DUSP10: variants seen among roughly 807,000 people sequenced by gnomAD.
DUSP10 encodes dual specificity protein phosphatase 10.
In DUSP10, 14 loss-of-function variants were observed where a neutral mutation model predicts 30.8. That is an observed-to-expected ratio of 0.46 (90% CI 0.30 to 0.71). The LOEUF is 0.71. Ranked by LOEUF, DUSP10 falls within the 30% of genes least tolerant of loss-of-function variation. The pLI, the probability that DUSP10 is intolerant of heterozygous loss-of-function variation, is 0.08. For synonymous variants in DUSP10, 254 were observed against 250.4 expected (o/e 1.01, Z -0.14); for missense variants, 550 against 619.4 (o/e 0.89, Z 1.19).
At position 221,702,556 on chromosome 1, in the gene DUSP10, A is replaced by G. The variant is rs1660638049; in HGVS notation, c.1305T>C (p.Tyr435=). Reference sequence around the variant, plus strand: ...TTGGTCGTTTGCCTTTGACAAATTTATAAGCATCAGTCATGGTCATCCGAG... The same window carrying G: ...TTGGTCGTTTGCCTTTGACAAATTTGTAAGCATCAGTCATGGTCATCCGAG... ...KHTRMTMTDA[Y]KFVKGKRPII... The change falls in exon 4 of 4, where the codon TAT becomes TAC. Residue 435 remains tyrosine, a synonymous_variant. Coordinates refer to ENST00000366899, the MANE Select transcript of DUSP10 (RefSeq NM_007207.6). The surrounding 1 kb of genome is among the most constrained non-coding windows in gnomAD (Gnocchi z 4.5). 1 of 1,614,218 alleles carries G rather than the reference A, an allele frequency of 6.2e-7. No homozygotes were observed. Among genetic ancestry groups the G allele is most frequent in the South Asian group, 1.1e-5 (1 of 91,084 alleles).
At chr1:221,729,348 A>T (rs1216634878) in intron 2 of DUSP10, among the ~76,000 whole-genome samples, 1 of 152,228 alleles carries the variant, frequency 6.6e-6, no homozygotes, top group East Asian at 1.9e-4. Flanking sequence ...GGAAGATGGC[A>T]TTATAACTAA....
Position 221,706,043 on chromosome 1 carries a change from C to G in DUSP10, c.1183+52G>C, listed in dbSNP as rs1031256643. On this transcript the variant is annotated intron_variant, in intron 3 of 3. Coordinates refer to ENST00000366899, the MANE Select transcript of DUSP10 (RefSeq NM_007207.6). This position sits in a 1 kb window ranked among gnomAD's most constrained non-coding sequence, Gnocchi z 4.6. ...CTTGAACTTGATATCAAAGCAAGAG[C>G]TGGAGGGAAAAGGAAGGCAGCGGAT... is the stretch of plus-strand genomic sequence containing the variant. 7 of 1,572,792 alleles carry G rather than the reference C, an allele frequency of 4.5e-6. No homozygotes were observed. In the Admixed American group the frequency reaches 7.1e-5, roughly 16 times the overall value.
At chr1:221,703,062 G>A (rs1311114426) in intron 3 of DUSP10, among the ~76,000 whole-genome samples, 1 of 151,848 alleles carries the variant, frequency 6.6e-6, no homozygotes, top group Non-Finnish European at 1.5e-5. Flanking sequence ...TCTCTCAAAT[G>A]TCTTGTTCTC....
intron 2 of DUSP10, among the ~76,000 whole-genome samples, chr1:221,724,895 C>T (rs948609304): frequency 2.0e-5 from 3 of 152,182 alleles, no homozygotes; most frequent in Non-Finnish European, 2.9e-5. Context: ...TTAACTACAG[C>T]ATGCTCTTTT....
chr1:221,714,070 A>G (rs896317858), intron 2 of DUSP10, among the ~76,000 whole-genome samples: 1 of 152,226 alleles, frequency 6.6e-6, no homozygotes, highest in Non-Finnish European at 1.5e-5. Context: ...AGAGAAAAAA[A>G]AATTCTGAAA....
chr1:221,729,605 T>C (rs1165339080), intron 2 of DUSP10, among the ~76,000 whole-genome samples: 1 of 152,216 alleles, frequency 6.6e-6, no homozygotes, highest in Non-Finnish European at 1.5e-5. Context: ...AAGACACATA[T>C]ATGACAGCCC....
intron 2 of DUSP10, among the ~76,000 whole-genome samples, chr1:221,734,968 T>C (rs1661719215): frequency 6.6e-6 from 1 of 150,958 alleles, no homozygotes; most frequent in Admixed American, 6.6e-5. Context: ...CTCTGATTTC[T>C]GAGCCTAGCC....
intron 2 of DUSP10, among the ~76,000 whole-genome samples, chr1:221,709,753 G>C (rs1277027833): frequency 6.6e-6 from 1 of 152,042 alleles, no homozygotes; most frequent in Admixed American, 6.5e-5. Context: ...GGGAAGGGTT[G>C]AAATTGAAAT....
intron 2 of DUSP10, among the ~76,000 whole-genome samples, chr1:221,722,455 C>T (rs1009881159): frequency 5.3e-5 from 8 of 152,210 alleles, no homozygotes; most frequent in African/African-American, 1.9e-4. Flanking sequence ...TGTCCCTAGT[C>T]TTAAAGCTGA....
intron 2 of DUSP10, among the ~76,000 whole-genome samples, chr1:221,733,347 A>G (rs1341044663): frequency 6.6e-6 from 1 of 152,228 alleles, no homozygotes; most frequent in Non-Finnish European, 1.5e-5. Flanking sequence ...AGAAATAGGC[A>G]AAGTGCTTTA....
intron 2 of DUSP10, among the ~76,000 whole-genome samples, chr1:221,734,647 AGGATTCAGTTCC>A (rs1335444358): frequency 1.3e-5 from 2 of 152,154 alleles, no homozygotes; most frequent in African/African-American, 2.4e-5. Context: ...AAGGAACTGA[AGGATTCAGTTCC>A]TTCCCCAAGG....
At chr1:221,733,657 A>T (rs978030300) in intron 2 of DUSP10, among the ~76,000 whole-genome samples, 2 of 152,354 alleles carry the variant, frequency 1.3e-5, no homozygotes, top group South Asian at 4.1e-4. Context: ...ATCAAATGCC[A>T]GGTACTTTGT....
intron 2 of DUSP10, chr1:221,736,995 A>G (rs1421739896): frequency 1.1e-5 from 11 of 985,376 alleles, no homozygotes; most frequent in Non-Finnish European, 1.3e-5. Flanking sequence ...TCTGACACTG[A>G]GGAAGAAGTC....
At chr1:221,715,524 TTTAA>T (rs1210619733) in intron 2 of DUSP10, among the ~76,000 whole-genome samples, 1 of 152,224 alleles carries the variant, frequency 6.6e-6, no homozygotes, top group African/African-American at 2.4e-5. Flanking sequence ...ACTTTAAGGC[TTTAA>T]TGAATAACTA....
chr1:221,706,986 G>A lies in DUSP10; in HGVS notation c.812-520C>T, dbSNP rs1176248668. Reference sequence around the variant, plus strand: ...GTGGTTACAAGCAGGAACATTGGAAGAGACAGGTTATCTTGATTATAATCT... The same window carrying A: ...GTGGTTACAAGCAGGAACATTGGAAAAGACAGGTTATCTTGATTATAATCT... On this transcript the variant is annotated intron_variant, in intron 2 of 3. Coordinates refer to ENST00000366899, the MANE Select transcript of DUSP10 (RefSeq NM_007207.6). This position sits in a 1 kb window ranked among gnomAD's most constrained non-coding sequence, Gnocchi z 4.6. Among the ~76,000 whole-genome samples the A allele has an allele frequency of 2.0e-5, 3 of 152,230 alleles. No homozygotes were observed. The highest frequency in any genetic ancestry group is 4.4e-5 in the Non-Finnish European group (3 of 68,042).
intron 2 of DUSP10, among the ~76,000 whole-genome samples, chr1:221,731,221 C>A (rs1009507137): frequency 4.6e-5 from 7 of 152,186 alleles, no homozygotes; most frequent in African/African-American, 1.4e-4. Context: ...GACAGGTTTT[C>A]ATCCCACCCC....
intron 2 of DUSP10, among the ~76,000 whole-genome samples, chr1:221,734,871 AC>A (rs1356844500): frequency 3.9e-5 from 6 of 152,138 alleles, no homozygotes; most frequent in Non-Finnish European, 7.4e-5. Context: ...AATCCTCATA[AC>A]ATCTCTGAGA....
Position 221,739,899 on chromosome 1 carries a change from T to C in DUSP10, c.-43-112A>G, listed in dbSNP as rs987560529. On this transcript the variant is annotated intron_variant, in intron 1 of 3. Transcript: ENST00000366899. ...ATCCCTCTGAGCAAAGTCGTCCTAA[T>C]TGCCCTTTATCATACCATTATCAAA... The C allele has an allele frequency of 1.6e-5, 18 of 1,133,614 alleles. No homozygotes were observed. In the East Asian group the frequency reaches 2.7e-4, roughly 17 times the overall value. The allele number at this position is 1,133,614 out of a possible 1,614,324, so 70.2% of individuals were successfully genotyped here.
chr1:221,741,565 G>A (rs536801770), intron 1 of DUSP10, among the ~76,000 whole-genome samples: 1 of 152,262 alleles, frequency 6.6e-6, no homozygotes, highest in South Asian at 2.1e-4. Context: ...CACTAGGCAA[G>A]AGCTGGAGAG....
Sources: gnomAD v4.1 joint callset for allele counts (sites outside exome capture counted in the v4.1 genomes callset) on GRCh38, gnomAD v4.1.1 for gene constraint, Gnocchi (gnomAD v3.1) non-coding constraint, MANE v1.5 for transcripts, NCBI Gene and HGNC (gene_info 2026-07-23, HGNC 2026-07-21) for gene names.